The following CS variants were observed in gnomAD, a reference collection of about 807,000 sequenced individuals.
The protein encoded by CS is citrate synthase, mitochondrial.
A neutral mutation model predicts 61.4 loss-of-function variants in CS; 13 were observed. That is an observed-to-expected ratio of 0.21 (90% CI 0.14 to 0.34). CS has a LOEUF of 0.34. Among genes scored for constraint, CS ranks in the 10% least tolerant of loss-of-function variants. The pLI, the probability that CS is intolerant of heterozygous loss-of-function variation, is 1.00. For synonymous variants in CS, 159 were observed against 215.2 expected, an observed-to-expected ratio of 0.74 and a Z score of 2.29; for missense variants, 278 against 573.4, an observed-to-expected ratio of 0.48 and a Z score of 5.26.
In CS at chr12:56,282,206, CCAAA is replaced by C. The variant is rs1373860370; in HGVS notation, c.588+210_588+213del. On this transcript the variant is annotated intron_variant, in intron 6 of 10. Coordinates refer to ENST00000351328, the MANE Select transcript of CS (RefSeq NM_004077.3). ...TTTTTCTGCACGTGTGTCAGCCTAA[CCAAA>C]CAAACAGTCCTGGTGATAGAAACCA... 2.1e-5 allele frequency: 9 copies of C among 430,990 alleles called. No individual in the cohort carries two copies. The South Asian group carries it at 2.5e-4, about 12-fold the overall frequency. The allele number at this position is 430,990 out of a possible 1,614,324, so 26.7% of individuals were successfully genotyped here. A position where few individuals can be genotyped will look rare whatever the true frequency, so the allele number is the denominator to read the frequency against.
chr12:56,284,315 A>G, intron 3 of CS, among the ~76,000 whole-genome samples: 1 of 95,582 alleles, frequency 1.0e-5, no homozygotes, highest in Non-Finnish European at 2.1e-5. Context: ...GCAAAACTCC[A>G]TCTCAAAAAA....
At chr12:56,296,119 A>G (rs1038989083) in intron 1 of CS, among the ~76,000 whole-genome samples, 9 of 152,078 alleles carry the variant, frequency 5.9e-5, no homozygotes, top group Admixed American at 5.9e-4. Context: ...TACAGGTGAC[A>G]ATGCCCACTG....
intron 6 of CS, among the ~76,000 whole-genome samples, chr12:56,278,233 C>A (rs1321240435): frequency 6.6e-6 from 1 of 152,160 alleles, no homozygotes. Context: ...GGGGTTCAAG[C>A]GATTCTTGTG....
At chr12:56,282,187 T>G (rs76109583) in intron 6 of CS, 45 of 399,028 alleles carry the variant, frequency 1.1e-4, no homozygotes, top group Non-Finnish European at 1.9e-4. Flanking sequence ...TTCTTTTTTC[T>G]GCACGTGTGT....
intron 3 of CS, among the ~76,000 whole-genome samples, chr12:56,284,375 G>A (rs1872871406): frequency 6.6e-6 from 1 of 151,154 alleles, no homozygotes; most frequent in Non-Finnish European, 1.5e-5. Flanking sequence ...GGTACGGTGG[G>A]GCTCATGCCT....
At chr12:56,289,866 C>T (rs140316198) in intron 1 of CS, among the ~76,000 whole-genome samples, 86 of 152,104 alleles carry the variant, frequency 5.7e-4, no homozygotes, top group African/African-American at 1.9e-3. Flanking sequence ...CTGAGATTAC[C>T]GGCATGAGCC....
chr12:56,291,308 T>C (rs1174585214), intron 1 of CS: 10 of 990,880 alleles, frequency 1.0e-5, no homozygotes, highest in Non-Finnish European at 1.2e-5. Context: ...TCCTTCCAGC[T>C]GTGGAATACA....
At chr12:56,299,916 GCCT>G in intron 1 of CS, 1 of 457,694 alleles carries the variant, frequency 2.2e-6, no homozygotes, top group Non-Finnish European at 3.9e-6. Flanking sequence ...AGCAGGGTCG[GCCT>G]CCTCACGCGT....
chr12:56,295,111 A>G (rs1234538952), intron 1 of CS, among the ~76,000 whole-genome samples: 1 of 150,630 alleles, frequency 6.6e-6, no homozygotes, highest in Non-Finnish European at 1.5e-5. Flanking sequence ...TTTTTTTTTA[A>G]GAGACAAGGT....
At chr12:56,278,525 T>A (rs577520774) in intron 6 of CS, among the ~76,000 whole-genome samples, 119 of 151,922 alleles carry the variant, frequency 7.8e-4, no homozygotes, top group Non-Finnish European at 1.2e-3. Context: ...GATCAAGAGG[T>A]CAACAGATCA....
At chr12:56,292,777 G>C (rs1381552625) in intron 1 of CS, among the ~76,000 whole-genome samples, 1 of 150,098 alleles carries the variant, frequency 6.7e-6, no homozygotes, top group Admixed American at 6.6e-5. Flanking sequence ...CATGGCGGGC[G>C]CCTGTAGTCC....
At chr12:56,276,249 A>C (rs1872621405) in intron 6 of CS, 54 bp from the exon 7 acceptor site, 2 of 1,557,738 alleles carry the variant, frequency 1.3e-6, no homozygotes, top group Admixed American at 1.7e-5. Context: ...AGCAAAGAAG[A>C]ATTAGGCAGG....
At chr12:56,281,177 A>G (rs919217080) in intron 6 of CS, among the ~76,000 whole-genome samples, 1 of 152,178 alleles carries the variant, frequency 6.6e-6, no homozygotes, top group Non-Finnish European at 1.5e-5. Flanking sequence ...TTCTGTTCCT[A>G]TACTACCTAT....
chr12:56,279,505 G>A (rs1036992911), intron 6 of CS, among the ~76,000 whole-genome samples: 16 of 152,002 alleles, frequency 1.1e-4, no homozygotes, highest in Admixed American at 1.3e-4. Context: ...GGTGGCTCAC[G>A]CCTGTAATCC....
chr12:56,280,432 A>C lies in CS; in HGVS notation c.588+1988T>G, dbSNP rs1002984730. Among the ~76,000 whole-genome samples, 71 of 147,400 alleles carry C rather than the reference A, an allele frequency of 4.8e-4. 3 individuals carry two copies. The highest frequency in any genetic ancestry group is 1.7e-3 in the African/African-American group (71 of 40,622). The stretch of plus-strand genomic sequence containing the variant: ...ACCGTCTCCCAAAAAAAACAAAAAA[A>C]AAAAACAAAAAAATTAGCCAGGAGT... On this transcript the variant is annotated intron_variant, in intron 6 of 10. Transcript: ENST00000351328.
intron 3 of CS, among the ~76,000 whole-genome samples, chr12:56,284,210 T>C (rs1486949767): frequency 2.0e-5 from 3 of 150,684 alleles, no homozygotes; most frequent in African/African-American, 2.4e-5. Context: ...TCCCAGCTAC[T>C]TGGGAGGCTG....
At chr12:56,274,036 G>A (rs538167657) in intron 9 of CS, 4 of 507,126 alleles carry the variant, frequency 7.9e-6, no homozygotes, top group South Asian at 2.1e-5. Flanking sequence ...GGGTCTGGCC[G>A]TGTGCGGTGG....
intron 1 of CS, among the ~76,000 whole-genome samples, chr12:56,288,543 C>A (rs1041855786): frequency 1.3e-5 from 2 of 151,708 alleles, no homozygotes; most frequent in African/African-American, 4.8e-5. Context: ...ATCATGTTGT[C>A]CAGGCTGGTC....
intron 6 of CS, among the ~76,000 whole-genome samples, chr12:56,280,440 A>AAAAAACAC (rs1555162652): frequency 3.3e-5 from 4 of 119,848 alleles, no homozygotes; most frequent in South Asian, 2.7e-4. Flanking sequence ...AAAAAAAACA[A>AAAAAACAC]AAAAATTAGC....
Sources: gnomAD v4.1 joint callset for allele counts (sites outside exome capture counted in the v4.1 genomes callset) on GRCh38, gnomAD v4.1.1 for gene constraint, MANE v1.5 for transcripts, NCBI Gene and HGNC (gene_info 2026-07-23, HGNC 2026-07-21) for gene names.